Variants in NDUFA10 observed in about 807,000 individuals in gnomAD.
NDUFA10 encodes the protein NADH dehydrogenase [ubiquinone] 1 alpha subcomplex subunit 10, mitochondrial.
Under a neutral mutation model 47.8 loss-of-function variants are expected in NDUFA10, and 40 were observed. The observed-to-expected ratio is 0.84, with a 90% confidence interval of 0.65 to 1.09. The LOEUF is 1.09. Among genes scored for constraint, NDUFA10 ranks in the 50% least tolerant of loss-of-function variants. The probability of loss-of-function intolerance (pLI) is 0.00; values close to 1 mark genes in which losing one functional copy is unlikely to be tolerated. For missense variants in NDUFA10, 413 were observed against 451.1 expected, an observed-to-expected ratio of 0.92 and a Z score of 0.76; for synonymous variants, 183 against 172.2, an observed-to-expected ratio of 1.06 and a Z score of -0.49.
At chr2:239,927,677 C>CA (rs1473118647) in intron 4 of NDUFA10, among the ~76,000 whole-genome samples, 1 of 152,174 alleles carries the variant, frequency 6.6e-6, no homozygotes, top group South Asian at 2.1e-4. Flanking sequence ...CTCAAAATGA[C>CA]AAAATCACAG....
At chr2:239,921,504 G>A (rs1471263408) in intron 4 of NDUFA10, among the ~76,000 whole-genome samples, 1 of 152,062 alleles carries the variant, frequency 6.6e-6, no homozygotes, top group African/African-American at 2.4e-5. Flanking sequence ...GTTACTTTTA[G>A]GATCCCTGCT....
intron 4 of NDUFA10, among the ~76,000 whole-genome samples, chr2:239,931,861 A>C (rs566527279): frequency 2.6e-5 from 2 of 76,518 alleles, no homozygotes; most frequent in East Asian, 9.9e-4. Flanking sequence ...TTTGAGACGG[A>C]GTCTCGCTCT....
downstream of NDUFA10, among the ~76,000 whole-genome samples, chr2:239,956,450 C>T (rs1694655222): frequency 6.6e-6 from 1 of 152,164 alleles, no homozygotes; most frequent in African/African-American, 2.4e-5. Context: ...ACGTCTAAAA[C>T]AGCAAGATTC....
chr2:239,902,139 AAATTTT>A (rs1693563661), intron 4 of NDUFA10, among the ~76,000 whole-genome samples: 1 of 152,222 alleles, frequency 6.6e-6, no homozygotes, highest in African/African-American at 2.4e-5. Context: ...TTAAAATTTA[AAATTTT>A]AATTTTAAAA....
chr2:239,892,584 C>T (rs1693315618), exon 6 of NDUFA10: 1 of 152,198 alleles, frequency 6.6e-6, no homozygotes, highest in Non-Finnish European at 1.5e-5. Flanking sequence ...CTGGGACAGC[C>T]TTACGTACCA....
At position 240,022,695 on chromosome 2, in the gene NDUFA10, G is replaced by A. The variant is rs558325350; in HGVS notation, c.76-355C>T. On this transcript the variant is annotated intron_variant, in intron 1 of 9. Coordinates refer to ENST00000252711, the MANE Select transcript of NDUFA10 (RefSeq NM_004544.4). ...GGACAGACGGGAGGAAGAAAGACAG[G>A]GATGGAGGGAAGCTCAGGAGTGAAG... 1.3e-4 allele frequency among the ~76,000 whole-genome samples: 20 copies of A among 152,146 alleles called. No homozygotes were observed. In the South Asian group the frequency reaches 4.2e-3, roughly 32 times the overall value.
At chr2:239,916,122 CAT>C (rs1693870585) in intron 4 of NDUFA10, among the ~76,000 whole-genome samples, 2 of 151,414 alleles carry the variant, frequency 1.3e-5, no homozygotes, top group African/African-American at 2.4e-5. Flanking sequence ...CACACACATA[CAT>C]AGACACACAC....
chr2:239,982,322 C>A, intron 9 of NDUFA10: 1 of 1,473,138 alleles, frequency 6.8e-7, no homozygotes, highest in Non-Finnish European at 9.2e-7. Context: ...AAAGCAAAAC[C>A]TGAACTCTTT....
chr2:239,974,013 G>A (rs938235604), intron 9 of NDUFA10, among the ~76,000 whole-genome samples: 11 of 152,020 alleles, frequency 7.2e-5, no homozygotes, highest in African/African-American at 2.2e-4. Context: ...TGCAACCCCC[G>A]CCTCCTGGAT....
chr2:239,981,732 C>T (rs1695782824), intron 9 of NDUFA10, among the ~76,000 whole-genome samples: 1 of 152,124 alleles, frequency 6.6e-6, no homozygotes, highest in African/African-American at 2.4e-5. Flanking sequence ...GGGCATGTTA[C>T]AATACACAGA....
chr2:240,024,949 C>T (rs1697792763), intron 1 of NDUFA10, among the ~76,000 whole-genome samples: 1 of 143,076 alleles, frequency 7.0e-6, no homozygotes, highest in Non-Finnish European at 1.5e-5. Flanking sequence ...TGCACACGGG[C>T]CTCCCGCATC....
intron 4 of NDUFA10, among the ~76,000 whole-genome samples, chr2:239,925,225 A>G (rs147540939): frequency 9.2e-5 from 14 of 152,340 alleles, no homozygotes; most frequent in African/African-American, 3.1e-4. Context: ...AAACTAGACT[A>G]GCTTAAACAA....
At chr2:239,915,864 C>T (rs1408322586) in intron 4 of NDUFA10, among the ~76,000 whole-genome samples, 1 of 150,588 alleles carries the variant, frequency 6.6e-6, no homozygotes, top group African/African-American at 2.4e-5. Context: ...CAGGCACACA[C>T]AAATATACAG....
chr2:239,932,180 T>C (rs192688983), intron 4 of NDUFA10, among the ~76,000 whole-genome samples: 9 of 152,322 alleles, frequency 5.9e-5, no homozygotes, highest in Admixed American at 5.2e-4. Context: ...TTCATGTTTA[T>C]TGAATAGACA....
intron 4 of NDUFA10, among the ~76,000 whole-genome samples, chr2:239,908,059 A>G (rs1357829965): frequency 1.3e-5 from 2 of 152,248 alleles, no homozygotes; most frequent in Non-Finnish European, 2.9e-5. Flanking sequence ...ATGGAATACT[A>G]TGCAGCCACA....
At chr2:239,899,102 G>A (rs1300960282) in intron 4 of NDUFA10, among the ~76,000 whole-genome samples, 1 of 32,324 alleles carries the variant, frequency 3.1e-5, no homozygotes, top group Non-Finnish European at 7.0e-5. Flanking sequence ...GTGTGGTGGA[G>A]GGGTGTGACG....
intron 4 of NDUFA10, among the ~76,000 whole-genome samples, chr2:239,924,845 G>A: frequency 6.6e-6 from 1 of 152,062 alleles, no homozygotes. Context: ...TAGAACTAAT[G>A]CGTGTTCATC....
intron 4 of NDUFA10, among the ~76,000 whole-genome samples, chr2:239,949,172 G>A (rs1694508821): frequency 6.6e-6 from 1 of 152,258 alleles, no homozygotes; most frequent in Non-Finnish European, 1.5e-5. Flanking sequence ...TGCTGATTGA[G>A]CGACTTCTTC....
intron 4 of NDUFA10, among the ~76,000 whole-genome samples, chr2:239,939,618 G>T (rs370746292): frequency 6.6e-6 from 1 of 152,252 alleles, no homozygotes; most frequent in East Asian, 1.9e-4. Flanking sequence ...ATGGTGAGAG[G>T]TTATTTGTAA....
Sources: gnomAD v4.1 joint callset for allele counts (sites outside exome capture counted in the v4.1 genomes callset) on GRCh38, gnomAD v4.1.1 for gene constraint, MANE v1.5 for transcripts, NCBI Gene and HGNC (gene_info 2026-07-23, HGNC 2026-07-21) for gene names.